ATP2A1: variants seen among roughly 807,000 people sequenced by gnomAD.
ATP2A1 encodes sarcoplasmic/endoplasmic reticulum calcium ATPase 1.
A neutral mutation model predicts 109.5 loss-of-function variants in ATP2A1; 83 were observed. The observed-to-expected ratio is 0.76, with a 90% confidence interval of 0.63 to 0.91. The LOEUF (loss-of-function observed/expected upper bound fraction) is 0.91. Among genes scored for constraint, ATP2A1 ranks in the 40% least tolerant of loss-of-function variants. The pLI is 0.00. For synonymous variants in ATP2A1, 505 were observed against 537.6 expected (o/e 0.94, Z 0.84); for missense variants, 1,101 against 1,341.0 (o/e 0.82, Z 2.80).
In ATP2A1 at chr16:28,898,513, A is replaced by G. The variant is rs938247955; in HGVS notation, c.1764+62A>G. On this transcript the variant is annotated intron_variant, in intron 14 of 22. Transcript: ENST00000395503. This position sits in a 1 kb window ranked among gnomAD's most constrained non-coding sequence, Gnocchi z 4.0. ...GTGAAGGGCCGGGTCCCAGCCATCC[A>G]CTCACAGCTCCACCACCCGGATCAT... 2.0e-6 allele frequency: 3 copies of G among 1,533,936 alleles called. No homozygotes were observed. In the African/African-American group the frequency reaches 4.1e-5, roughly 21 times the overall value.
chr16:28,878,516 A>G lies in ATP2A1; in HGVS notation c.-156A>G. On this transcript the variant is annotated 5_prime_UTR_variant, in exon 1 of 23. Coordinates refer to ENST00000395503, the MANE Select transcript of ATP2A1 (RefSeq NM_004320.6). ...CGGCTGCTCAAGTGGGACGGGGGTC[A>G]GAGCTTTGTGGAGGGAAGAAAAACC... is the stretch of plus-strand genomic sequence containing the variant. 1 of 732,326 alleles carries G rather than the reference A, an allele frequency of 1.4e-6. No individual in the cohort carries two copies. Among genetic ancestry groups the G allele is most frequent in the South Asian group, 1.5e-5 (1 of 66,206 alleles). The allele number at this position is 732,326 out of a possible 1,614,324, so 45.4% of individuals were successfully genotyped here.
At chr16:28,895,656 ATCTCT>A (rs1963900322) in intron 12 of ATP2A1, among the ~76,000 whole-genome samples, 1 of 151,720 alleles carries the variant, frequency 6.6e-6, no homozygotes, top group African/African-American at 2.4e-5. Context: ...TGAGACCCGC[ATCTCT>A]ACAAAAAAAA....
intron 12 of ATP2A1, 151 bp from the exon 13 acceptor site, chr16:28,897,849 G>A (rs2152211406): frequency 9.6e-7 from 1 of 1,037,534 alleles, no homozygotes; most frequent in Non-Finnish European, 1.5e-6. Context: ...CTGAAGCACT[G>A]TGGCAACACT....
chr16:28,891,659 A>C (rs1046487211), intron 9 of ATP2A1, among the ~76,000 whole-genome samples: 1 of 150,984 alleles, frequency 6.6e-6, no homozygotes, highest in Non-Finnish European at 1.5e-5. Context: ...TGGGAGGCCA[A>C]GGCGGACGGA....
At chr16:28,896,939 G>A (rs1301535999) in intron 12 of ATP2A1, among the ~76,000 whole-genome samples, 1 of 151,946 alleles carries the variant, frequency 6.6e-6, no homozygotes, top group East Asian at 1.9e-4. Flanking sequence ...AAATTAGCTG[G>A]ACATGGTGGC....
Position 28,900,660 on chromosome 16 carries a change from G to C in ATP2A1, c.1844G>C (p.Arg615Pro). 4.3e-6 allele frequency: 7 copies of C among 1,609,568 alleles called. No homozygotes were observed. Among genetic ancestry groups the C allele is most frequent in the Non-Finnish European group, 5.9e-6 (7 of 1,176,472 alleles). ...GTCACGGGCTCCATCCAGCTGTGCC[G>C]TGACGCCGGGATCCGGGTGATCATG... Reference protein sequence around the residue: ...KEVTGSIQLCRDAGIRVIMIT... With the variant: ...KEVTGSIQLCPDAGIRVIMIT... Residue 615 changes from arginine to proline, a missense_variant, in exon 15 of 23, where the codon CGT (arginine) becomes CCT (proline). Coordinates refer to ENST00000395503, the MANE Select transcript of ATP2A1 (RefSeq NM_004320.6).
Position 28,888,798 on chromosome 16 carries a change from G to A in ATP2A1, c.940G>A (p.Val314Ile), listed in dbSNP as rs1963688640. Residue 314 changes from valine to isoleucine, a missense_variant, in exon 9 of 23, where the codon GTC (valine) becomes ATC (isoleucine). Physicochemically the swap from Val to Ile is conservative, Grantham distance 29. Transcript: ENST00000395503. ...CTCCCTCCCCACAGGTCTTCCTGCA[G>A]TCATCACCACCTGCCTGGCCCTGGG... Reference protein sequence around the residue: ...VAAIPEGLPAVITTCLALGTR... With the variant: ...VAAIPEGLPAIITTCLALGTR... 1 of 1,597,464 alleles carries A rather than the reference G, an allele frequency of 6.3e-7. No homozygotes were observed. Among genetic ancestry groups the A allele is most frequent in the African/African-American group, 1.3e-5 (1 of 74,432 alleles).
intron 12 of ATP2A1, among the ~76,000 whole-genome samples, chr16:28,897,769 C>T (rs1963958455): frequency 1.3e-5 from 2 of 152,112 alleles, no homozygotes; most frequent in Admixed American, 1.3e-4. Flanking sequence ...CGCGCCTGGC[C>T]AATAATGAAA....
intron 6 of ATP2A1, 110 bp from the exon 7 acceptor site, chr16:28,887,079 A>G: frequency 9.0e-7 from 1 of 1,107,862 alleles, no homozygotes; most frequent in South Asian, 1.3e-5. Context: ...CAGGATGGCT[A>G]CTTGGTCCTT....
Position 28,882,472 on chromosome 16 carries a change from A to T in ATP2A1, c.346A>T (p.Ile116Phe). Residue 116 changes from isoleucine (I) to phenylalanine (F), a missense_variant, in exon 5 of 23, where the codon ATC becomes TTC. Coordinates refer to ENST00000395503, the MANE Select transcript of ATP2A1 (RefSeq NM_004320.6). ...VWQERNAENAIEALKEYEPEM... is the reference protein window; with the variant it reads ...VWQERNAENAFEALKEYEPEM... ...TCAGGAGCGGAACGCAGAGAACGCC[A>T]TCGAGGCCCTGAAGGAGTATGAGCC... is the stretch of plus-strand genomic sequence containing the variant. 6.2e-7 allele frequency: 1 copy of T among 1,614,194 alleles called. No individual in the cohort carries two copies. The highest frequency in any genetic ancestry group is 1.1e-5 in the South Asian group (1 of 91,084).
At chr16:28,888,324 C>T (rs1165561710) in intron 8 of ATP2A1, among the ~76,000 whole-genome samples, 2 of 151,202 alleles carry the variant, frequency 1.3e-5, no homozygotes, top group South Asian at 2.1e-4. Context: ...TGAGCCACCA[C>T]GCCTGGCCCA....
In ATP2A1 at chr16:28,903,446, G is replaced by A; in HGVS notation, c.2980+6G>A. 1.9e-6 allele frequency: 3 copies of A among 1,607,028 alleles called. No homozygotes were observed. Among genetic ancestry groups the A allele is most frequent in the South Asian group, 1.1e-5 (1 of 90,964 alleles). On this transcript the variant is annotated splice_donor_region_variant and intron_variant, in intron 21 of 22. Coordinates refer to ENST00000395503, the MANE Select transcript of ATP2A1 (RefSeq NM_004320.6). The surrounding 1 kb of genome is among the most constrained non-coding windows in gnomAD (Gnocchi z 5.6). Reference sequence around the variant, plus strand: ...TGCTCGGAACTACCTAGAGGGTAAGGAGTGCCCTCTCTGTCCCAAGCCCTG... The same window carrying A: ...TGCTCGGAACTACCTAGAGGGTAAGAAGTGCCCTCTCTGTCCCAAGCCCTG...
At chr16:28,896,740 A>C (rs1963929276) in intron 12 of ATP2A1, among the ~76,000 whole-genome samples, 1 of 133,080 alleles carries the variant, frequency 7.5e-6, no homozygotes, top group Non-Finnish European at 1.6e-5. Flanking sequence ...TTTTTGAGAC[A>C]GAGTTTTGCT....
chr16:28,899,537 G>A (rs1178176029), intron 14 of ATP2A1, among the ~76,000 whole-genome samples: 9 of 151,744 alleles, frequency 5.9e-5, no homozygotes, highest in Non-Finnish European at 5.9e-5. Flanking sequence ...TACTCTGGAG[G>A]CTGAGGCAGG....
At position 28,902,775 on chromosome 16, in the gene ATP2A1, C is replaced by T; in HGVS notation, c.2611-3C>T. 6.2e-7 allele frequency: 1 copy of T among 1,614,008 alleles called. No individual in the cohort carries two copies. The highest frequency in any genetic ancestry group is 8.5e-7 in the Non-Finnish European group (1 of 1,179,956). On this transcript the variant is annotated splice_region_variant and splice_polypyrimidine_tract_variant and intron_variant, in intron 18 of 22. Transcript: ENST00000395503. The surrounding 1 kb of genome is among the most constrained non-coding windows in gnomAD (Gnocchi z 4.8). ...ACCTCAGTCTCCCGTACCTTCCCTG[C>T]AGACTCACTTCATGCAGTGCACCGA...
chr16:28,879,697 C>G lies in ATP2A1; in HGVS notation c.219+114C>G, dbSNP rs904305803. 1.1e-5 allele frequency: 14 copies of G among 1,258,218 alleles called. No individual in the cohort carries two copies. The East Asian group carries it at 3.0e-4, about 27-fold the overall frequency. 77.9% of individuals were successfully genotyped at this position (1,258,218 alleles called of 1,614,324 possible). A position where few individuals can be genotyped will look rare whatever the true frequency, so the allele number is the denominator to read the frequency against. The stretch of plus-strand genomic sequence containing the variant: ...TCCGAGTCCCGAGCATCCCATTGTA[C>G]AGACGGGGCGGGCTGGCGCGCAGCA... On this transcript the variant is annotated intron_variant, in intron 3 of 22. Coordinates refer to ENST00000395503, the MANE Select transcript of ATP2A1 (RefSeq NM_004320.6).
rs1964159813 is a variant in ATP2A1, at chr16:28,903,669, T to C, written c.2981-31T>C. On this transcript the variant is annotated intron_variant, in intron 21 of 22. Coordinates refer to ENST00000395503, the MANE Select transcript of ATP2A1 (RefSeq NM_004320.6). This position sits in a 1 kb window ranked among gnomAD's most constrained non-coding sequence, Gnocchi z 5.6. Reference sequence around the variant, plus strand: ...CCCCCATGCCACCTCCCTGCCTTGATAACAGTGCCTCTTGTCCTCTCTGGC... The same window carrying C: ...CCCCCATGCCACCTCCCTGCCTTGACAACAGTGCCTCTTGTCCTCTCTGGC... 1 of 1,604,730 alleles carries C rather than the reference T, an allele frequency of 6.2e-7. No individual in the cohort carries two copies. Among genetic ancestry groups the C allele is most frequent in the Admixed American group, 1.7e-5 (1 of 59,958 alleles).
chr16:28,895,706 A>G (rs1223260766), intron 12 of ATP2A1, among the ~76,000 whole-genome samples: 1 of 151,876 alleles, frequency 6.6e-6, no homozygotes, highest in African/African-American at 2.4e-5. Context: ...AGAAAAAAAA[A>G]AGAAAAAAAT....
chr16:28,903,807 T>C lies in ATP2A1; in HGVS notation c.*37+66T>C. 1 of 1,412,224 alleles carries C rather than the reference T, an allele frequency of 7.1e-7. No homozygotes were observed. The highest frequency in any genetic ancestry group is 1.7e-5 in the Admixed American group (1 of 59,686). The allele number at this position is 1,412,224 out of a possible 1,614,324, so 87.5% of individuals were successfully genotyped here. Reference sequence around the variant, plus strand: ...CTGCCACCCGCGCCCCCTCAGCCCCTTGCGCGTCGCATCCAAGGTCACTTG... The same window carrying C: ...CTGCCACCCGCGCCCCCTCAGCCCCCTGCGCGTCGCATCCAAGGTCACTTG... On this transcript the variant is annotated intron_variant, in intron 22 of 22. Coordinates refer to ENST00000395503, the MANE Select transcript of ATP2A1 (RefSeq NM_004320.6). The surrounding 1 kb of genome is among the most constrained non-coding windows in gnomAD (Gnocchi z 5.6).
Sources: gnomAD v4.1 joint callset for allele counts (sites outside exome capture counted in the v4.1 genomes callset) on GRCh38, gnomAD v4.1.1 for gene constraint, Gnocchi (gnomAD v3.1) non-coding constraint, MANE v1.5 for transcripts, NCBI Gene and HGNC (gene_info 2026-07-23, HGNC 2026-07-21) for gene names.